The following NEK1 variants were observed in gnomAD, a reference collection of about 807,000 sequenced individuals.
NEK1 encodes the protein serine/threonine-protein kinase Nek1.
Under a neutral mutation model 182.1 loss-of-function variants are expected in NEK1, and 137 were observed. That is an observed-to-expected ratio of 0.75 (90% confidence interval 0.65 to 0.87). NEK1 has a LOEUF of 0.87. NEK1 is among the 40% of genes least tolerant of loss of function. NEK1 has a pLI of 0.00. For synonymous variants in NEK1, 513 were observed against 492.2 expected (o/e 1.04, Z -0.56); for missense variants, 1,391 against 1,494.4 (o/e 0.93, Z 1.14).
At chr4:169,491,883 G>C (rs866600789) in intron 23 of NEK1, among the ~76,000 whole-genome samples, 3 of 152,190 alleles carry the variant, frequency 2.0e-5, no homozygotes, top group African/African-American at 7.2e-5. Flanking sequence ...GAGGGTAAAA[G>C]TCTAGAATAT....
intron 2 of NEK1, among the ~76,000 whole-genome samples, chr4:169,605,222 C>T (rs1165049111): frequency 2.0e-5 from 3 of 152,152 alleles, no homozygotes; most frequent in Non-Finnish European, 4.4e-5. Flanking sequence ...AGGGACCACA[C>T]TAATAAGACA....
At chr4:169,583,170 G>C (rs567360920) in intron 10 of NEK1, among the ~76,000 whole-genome samples, 102 of 152,032 alleles carry the variant, frequency 6.7e-4, no homozygotes, top group Non-Finnish European at 1.8e-4. Context: ...AGGAGGCTGA[G>C]GAGGGAGGAC....
intron 26 of NEK1, among the ~76,000 whole-genome samples, chr4:169,467,208 T>C (rs1476967663): frequency 6.6e-6 from 1 of 152,190 alleles, no homozygotes; most frequent in African/African-American, 2.4e-5. Context: ...CTTTATGTTA[T>C]TGATAAGGCT....
At chr4:169,495,388 C>T (rs1349708947) in intron 23 of NEK1, among the ~76,000 whole-genome samples, 8 of 151,878 alleles carry the variant, frequency 5.3e-5, no homozygotes, top group Non-Finnish European at 8.8e-5. Flanking sequence ...GGACTACAGG[C>T]GCGCGCCACC....
chr4:169,453,240 A>G (rs190991652), intron 27 of NEK1, among the ~76,000 whole-genome samples: 84 of 152,336 alleles, frequency 5.5e-4, no homozygotes, highest in Non-Finnish European at 1.1e-3. Context: ...ACACTGCCCA[A>G]AGTAATTTAT....
chr4:169,478,092 A>G (rs1252020997), intron 24 of NEK1, among the ~76,000 whole-genome samples: 1 of 152,078 alleles, frequency 6.6e-6, no homozygotes, highest in Non-Finnish European at 1.5e-5. Context: ...GCATTGTCAA[A>G]GCAATCCAGA....
intron 12 of NEK1, among the ~76,000 whole-genome samples, chr4:169,567,257 TTTTTC>T (rs1763852421): frequency 1.3e-5 from 2 of 152,176 alleles, no homozygotes; most frequent in Admixed American, 1.3e-4. Flanking sequence ...TCCTACTTAC[TTTTTC>T]TTTTCTTCAA....
chr4:169,445,701 C>CAA (rs368207599), intron 27 of NEK1, among the ~76,000 whole-genome samples: 2 of 143,024 alleles, frequency 1.4e-5, no homozygotes, highest in Admixed American at 7.0e-5. Flanking sequence ...GGGGAGAAGG[C>CAA]AAAAAAAAAC....
intron 27 of NEK1, among the ~76,000 whole-genome samples, chr4:169,448,826 G>A (rs934977722): frequency 1.2e-4 from 19 of 152,202 alleles, no homozygotes; most frequent in African/African-American, 3.6e-4. Context: ...TGCAGCCCAC[G>A]GAGGGTGAGC....
rs551701827 is a variant in NEK1, at chr4:169,527,769, A to C, written c.1665+10040T>G. Among the ~76,000 whole-genome samples the C allele has an allele frequency of 2.6e-5, 4 of 152,294 alleles. No individual in the cohort carries two copies. The East Asian group carries it at 7.7e-4, about 29-fold the overall frequency. On this transcript the variant is annotated intron_variant, in intron 19 of 35. Transcript: ENST00000507142. ...GAGAGAAACAAAATCATAGGGTATAAACACAAAACAAATAATAGAATGTGA... is the reference window on the plus strand; with the variant it reads ...GAGAGAAACAAAATCATAGGGTATACACACAAAACAAATAATAGAATGTGA...
chr4:169,427,748 G>T (rs1002343957), intron 29 of NEK1, among the ~76,000 whole-genome samples: 6 of 151,996 alleles, frequency 3.9e-5, no homozygotes, highest in Non-Finnish European at 5.9e-5. Flanking sequence ...CACCCGCCTC[G>T]GCCTCCCAAA....
intron 19 of NEK1, among the ~76,000 whole-genome samples, chr4:169,516,494 G>A (rs1755271036): frequency 1.1e-5 from 1 of 92,948 alleles, no homozygotes; most frequent in South Asian, 3.7e-4. Flanking sequence ...CTGTGCAGAA[G>A]CTCTTTAGTT....
intron 27 of NEK1, among the ~76,000 whole-genome samples, chr4:169,443,802 C>T (rs1739988818): frequency 6.6e-6 from 1 of 152,098 alleles, no homozygotes; most frequent in Non-Finnish European, 1.5e-5. Flanking sequence ...TATAAGGGCA[C>T]CCCCAACAGA....
chr4:169,401,950 T>C (rs1465413311), intron 32 of NEK1, 90 bp from the exon 33 acceptor site: 1 of 1,083,550 alleles, frequency 9.2e-7, no homozygotes, highest in Non-Finnish European at 1.3e-6. Context: ...GAAATTTTAC[T>C]TCTACTCAAT....
intron 19 of NEK1, among the ~76,000 whole-genome samples, chr4:169,524,232 G>C (rs867835434): frequency 2.6e-5 from 4 of 151,984 alleles, no homozygotes; most frequent in African/African-American, 9.7e-5. Flanking sequence ...GAATGGGCCG[G>C]GCACAGTGGC....
chr4:169,488,508 C>T (rs188372573), intron 23 of NEK1, among the ~76,000 whole-genome samples: 6 of 152,196 alleles, frequency 3.9e-5, no homozygotes, highest in Non-Finnish European at 7.4e-5. Context: ...TTTCTGAGTT[C>T]TCTATTCTCT....
At chr4:169,603,279 GTTA>G (rs1240335795) in intron 2 of NEK1, among the ~76,000 whole-genome samples, 7 of 152,058 alleles carry the variant, frequency 4.6e-5, no homozygotes, top group African/African-American at 1.7e-4. Flanking sequence ...ATTAACACTG[GTTA>G]TTATTATTTC....
rs1293978011 is a variant in NEK1, at chr4:169,599,201, C to G, written c.215-4G>C. The G allele has an allele frequency of 6.3e-7, 1 of 1,594,604 alleles. No individual in the cohort carries two copies. Among genetic ancestry groups the G allele is most frequent in the Admixed American group, 1.7e-5 (1 of 59,698 alleles). On this transcript the variant is annotated splice_polypyrimidine_tract_variant and splice_region_variant and intron_variant, in intron 4 of 35. Coordinates refer to ENST00000507142, the MANE Select transcript of NEK1 (RefSeq NM_001199397.3). ...ACTATGTAGAGAGAGCCATTTTCTACAAAATATAAACATTACAGTCCACTT... is the reference window on the plus strand; with the variant it reads ...ACTATGTAGAGAGAGCCATTTTCTAGAAAATATAAACATTACAGTCCACTT...
chr4:169,416,913 A>T (rs1734639965), intron 31 of NEK1, among the ~76,000 whole-genome samples: 1 of 152,208 alleles, frequency 6.6e-6, no homozygotes, highest in South Asian at 2.1e-4. Flanking sequence ...TCTAATATTA[A>T]AAAAAGATTA....
Sources: gnomAD v4.1 joint callset for allele counts (sites outside exome capture counted in the v4.1 genomes callset) on GRCh38, gnomAD v4.1.1 for gene constraint, MANE v1.5 for transcripts, NCBI Gene and HGNC (gene_info 2026-07-23, HGNC 2026-07-21) for gene names.